The following PATJ variants were observed in gnomAD, a reference collection of about 807,000 sequenced individuals.
The protein encoded by PATJ is PATJ crumbs cell polarity complex component, also known as inaD-like protein.
Under a neutral mutation model 224.9 loss-of-function variants are expected in PATJ, and 190 were observed. The ratio of observed to expected loss-of-function variants is 0.84; its 90% CI spans 0.75 to 0.95. The LOEUF is 0.95. PATJ is among the 40% of genes least tolerant of loss of function. PATJ has a pLI of 0.00. For missense variants in PATJ, 2,121 were observed against 2,270.3 expected (o/e 0.93, Z 1.34); for synonymous variants, 769 against 820.3 (o/e 0.94, Z 1.07).
intron 29 of PATJ, among the ~76,000 whole-genome samples, chr1:62,028,172 G>A (rs984197396): frequency 6.6e-6 from 1 of 152,062 alleles, no homozygotes; most frequent in Non-Finnish European, 1.5e-5. Flanking sequence ...ATGGTATAAA[G>A]GAAGGCTATG....
intron 4 of PATJ, among the ~76,000 whole-genome samples, chr1:61,767,956 C>T (rs1646382437): frequency 6.6e-6 from 1 of 151,994 alleles, no homozygotes; most frequent in Admixed American, 6.5e-5. Context: ...CAGGCATGAG[C>T]CATTGCGCCG....
At chr1:61,971,488 C>T (rs1052512543) in intron 27 of PATJ, among the ~76,000 whole-genome samples, 4 of 151,514 alleles carry the variant, frequency 2.6e-5, no homozygotes, top group African/African-American at 9.7e-5. Context: ...GTGGTGCATG[C>T]CTGTAGTCCC....
chr1:61,752,503 G>A lies in PATJ; in HGVS notation c.-36+9948G>A, dbSNP rs1427751176. Reference sequence around the variant, plus strand: ...TAATTCTTGTATTTTCAGTAGAGGCGGGTTTTCACCACGTTGGCCAGGCTG... The same window carrying A: ...TAATTCTTGTATTTTCAGTAGAGGCAGGTTTTCACCACGTTGGCCAGGCTG... On this transcript the variant is annotated intron_variant, in intron 1 of 43. Transcript: ENST00000642238. Among the ~76,000 whole-genome samples, 6 of 151,702 alleles carry A rather than the reference G, an allele frequency of 4.0e-5. No homozygotes were observed. In the East Asian group the frequency reaches 5.8e-4, roughly 15 times the overall value.
chr1:62,030,973 G>A (rs1649159619), intron 29 of PATJ, among the ~76,000 whole-genome samples: 1 of 152,134 alleles, frequency 6.6e-6, no homozygotes, highest in African/African-American at 2.4e-5. Flanking sequence ...AGGTATGAAC[G>A]TGGCTTTTTA....
rs912507114 is a variant in PATJ, at chr1:62,163,236, C to T, written c.*2182C>T. 6.5e-6 allele frequency: 1 copy of T among 153,736 alleles called. No homozygotes were observed. Among genetic ancestry groups the T allele is most frequent in the Non-Finnish European group, 1.5e-5 (1 of 68,850 alleles). The allele number at this position is 153,736 out of a possible 1,614,324, so 9.5% of individuals were successfully genotyped here. A position where few individuals can be genotyped will look rare whatever the true frequency, so the allele number is the denominator to read the frequency against. ...GTCTTTCATGACGGTATTAAGTTTTCTGAAATTACACATGGCTTTTAAAAT... is the reference window on the plus strand; with the variant it reads ...GTCTTTCATGACGGTATTAAGTTTTTTGAAATTACACATGGCTTTTAAAAT... On this transcript the variant is annotated 3_prime_UTR_variant, in exon 44 of 44. Transcript: ENST00000642238.
chr1:61,868,962 C>T (rs1189057621), intron 20 of PATJ, among the ~76,000 whole-genome samples: 2 of 152,028 alleles, frequency 1.3e-5, no homozygotes, highest in South Asian at 4.1e-4. Flanking sequence ...AAGCAGCAAG[C>T]TCACTAAGTG....
In PATJ at chr1:61,766,264, T is replaced by C; in HGVS notation, c.190-15T>C. 1 of 1,546,834 alleles carries C rather than the reference T, an allele frequency of 6.5e-7. No homozygotes were observed. Among genetic ancestry groups the C allele is most frequent in the Non-Finnish European group, 8.7e-7 (1 of 1,149,202 alleles). ...CTATAGATTTCTGTTGATTCTTTTTTTTTCTCTCCAACAGCTCAACCATAT... is the reference window on the plus strand; with the variant it reads ...CTATAGATTTCTGTTGATTCTTTTTCTTTCTCTCCAACAGCTCAACCATAT... On this transcript the variant is annotated splice_polypyrimidine_tract_variant and intron_variant, in intron 3 of 43. Coordinates refer to ENST00000642238, the MANE Select transcript of PATJ (RefSeq NM_001350145.3).
intron 16 of PATJ, 25 bp from the exon 17 acceptor site, chr1:61,833,629 G>A (rs764038391): frequency 1.3e-5 from 20 of 1,595,210 alleles, no homozygotes; most frequent in Non-Finnish European, 1.7e-5. Flanking sequence ...GTGTTTTGAA[G>A]CATTTATCTT....
At chr1:61,789,044 T>C (rs2148493802) in intron 8 of PATJ, among the ~76,000 whole-genome samples, 1 of 152,208 alleles carries the variant, frequency 6.6e-6, no homozygotes, top group East Asian at 1.9e-4. Context: ...TGCGGTGGCT[T>C]ACGCCTCTAA....
intron 29 of PATJ, among the ~76,000 whole-genome samples, chr1:62,029,255 T>G (rs1466265239): frequency 2.0e-5 from 3 of 152,320 alleles, no homozygotes; most frequent in East Asian, 1.9e-4. Context: ...CTTAGGAATA[T>G]CTCATATCCT....
chr1:61,812,433 A>AGAGAGAGAGTGTGTGT (rs1397549346), intron 14 of PATJ, among the ~76,000 whole-genome samples: 2 of 85,202 alleles, frequency 2.3e-5, no homozygotes, highest in African/African-American at 4.5e-5. Flanking sequence ...AGAGAGAGAG[A>AGAGAGAGAGTGTGTGT]GTGTGTGTGT....
At chr1:61,952,473 A>C in intron 27 of PATJ, 2 of 716,358 alleles carry the variant, frequency 2.8e-6, no homozygotes, top group South Asian at 3.0e-5. Context: ...ATGCTGTTTT[A>C]GTGTTGGTGC....
At chr1:61,841,316 A>G (rs1383870721) in intron 17 of PATJ, among the ~76,000 whole-genome samples, 1 of 152,194 alleles carries the variant, frequency 6.6e-6, no homozygotes, top group African/African-American at 2.4e-5. Context: ...TAATATCAGT[A>G]TATAGTTTTC....
intron 17 of PATJ, among the ~76,000 whole-genome samples, chr1:61,845,014 G>T (rs1661703187): frequency 6.6e-6 from 1 of 152,058 alleles, no homozygotes; most frequent in Non-Finnish European, 1.5e-5. Flanking sequence ...GTGTGAAAAT[G>T]GACTAATACA....
chr1:62,136,410 C>CA (rs1387686546), intron 41 of PATJ, among the ~76,000 whole-genome samples: 4 of 151,896 alleles, frequency 2.6e-5, no homozygotes, highest in Admixed American at 6.6e-5. Context: ...AGATTCTGGA[C>CA]AAAAACTTTA....
At chr1:62,106,399 AG>A (rs894526223) in intron 33 of PATJ, among the ~76,000 whole-genome samples, 1 of 150,458 alleles carries the variant, frequency 6.6e-6, no homozygotes, top group African/African-American at 2.4e-5. Flanking sequence ...TGAGCCCGGG[AG>A]GTCGAAGCTG....
At chr1:62,039,025 G>C in intron 30 of PATJ, 1 of 1,091,926 alleles carries the variant, frequency 9.2e-7, no homozygotes, top group Non-Finnish European at 1.4e-6. Context: ...TGATACTCCT[G>C]TAGTGTGTCC....
intron 1 of PATJ, among the ~76,000 whole-genome samples, chr1:61,743,439 G>A (rs2148113557): frequency 6.6e-6 from 1 of 152,324 alleles, no homozygotes; most frequent in East Asian, 1.9e-4. Context: ...CTGCCATTTA[G>A]AGGGTGCCCC....
At chr1:61,774,177 G>A (rs902906268) in intron 6 of PATJ, among the ~76,000 whole-genome samples, 6 of 150,996 alleles carry the variant, frequency 4.0e-5, no homozygotes, top group South Asian at 2.1e-4. Context: ...TGTAGTCCCA[G>A]CTATTTGGGA....
Sources: gnomAD v4.1 joint callset for allele counts (sites outside exome capture counted in the v4.1 genomes callset) on GRCh38, gnomAD v4.1.1 for gene constraint, MANE v1.5 for transcripts, NCBI Gene and HGNC (gene_info 2026-07-23, HGNC 2026-07-21) for gene names.